AFDN: variants seen among roughly 807,000 people sequenced by gnomAD.
AFDN encodes the protein afadin, adherens junction formation factor.
In AFDN, 68 loss-of-function variants were observed where a neutral mutation model predicts 216.6. The ratio of observed to expected loss-of-function variants is 0.31; its 90% confidence interval spans 0.26 to 0.38. AFDN has a LOEUF of 0.38. Ranked by LOEUF, AFDN falls within the 10% of genes least tolerant of loss-of-function variation. AFDN has a pLI of 1.00. For missense variants in AFDN, 2,136 were observed against 2,342.0 expected (o/e 0.91, Z 1.82); for synonymous variants, 868 against 853.7 (o/e 1.02, Z -0.29).
At chr6:167,904,619 T>G (rs995986058) in intron 12 of AFDN, among the ~76,000 whole-genome samples, 1 of 152,188 alleles carries the variant, frequency 6.6e-6, no homozygotes, top group Non-Finnish European at 1.5e-5. Context: ...TAACAAACTT[T>G]CCCTGATCCT....
intron 1 of AFDN, among the ~76,000 whole-genome samples, chr6:167,833,637 G>A (rs1209694188): frequency 6.6e-6 from 1 of 152,028 alleles, no homozygotes; most frequent in Admixed American, 6.6e-5. Flanking sequence ...TTTTATAGGA[G>A]AACCAACAAA....
chr6:167,965,862 C>T lies in AFDN; in HGVS notation c.5074C>T (p.Arg1692Cys), dbSNP rs755078560. ...LLEPEAPGLC[R>C]PPLPRDYEPP... ...GGAGCCCGAGGCGCCCGGTCTGTGC[C>T]GCCCTCCGCTTCCCCGGGACTACGA... The change falls in exon 32 of 34, where the codon CGC becomes TGC. Residue 1692 changes from arginine to cysteine, a missense_variant. By Grantham distance (180) the Arg-to-Cys change is radical. Around this residue, in one of 8 missense-constraint regions of AFDN, gnomAD observed 981 missense variants for 966.0 expected, o/e 1.02. Coordinates refer to ENST00000683244, the MANE Select transcript of AFDN (RefSeq NM_001386888.1). The T allele has an allele frequency of 5.8e-6, 9 of 1,549,064 alleles. No homozygotes were observed. The highest frequency in any genetic ancestry group is 1.4e-5 in the African/African-American group (1 of 73,050).
chr6:167,842,046 C>G (rs749809064), intron 1 of AFDN, among the ~76,000 whole-genome samples: 2 of 152,034 alleles, frequency 1.3e-5, no homozygotes, highest in Non-Finnish European at 2.9e-5. Context: ...TGTTTTGTCT[C>G]ATCATTCATT....
chr6:167,845,254 A>G (rs925527977), intron 1 of AFDN, among the ~76,000 whole-genome samples: 12 of 152,086 alleles, frequency 7.9e-5, no homozygotes, highest in Admixed American at 7.9e-4. Flanking sequence ...ATTCTCGTCA[A>G]TTTTTATGGA....
At chr6:167,909,067 C>T (rs969951744) in intron 13 of AFDN, among the ~76,000 whole-genome samples, 2 of 152,086 alleles carry the variant, frequency 1.3e-5, no homozygotes, top group South Asian at 4.2e-4. Flanking sequence ...AAAGTTTACT[C>T]AGGTTCACTT....
At chr6:167,902,963 A>C (rs534066950) in intron 12 of AFDN, among the ~76,000 whole-genome samples, 1 of 152,332 alleles carries the variant, frequency 6.6e-6, no homozygotes, top group Admixed American at 6.5e-5. Context: ...AGGTTGAAGC[A>C]GAGCCTTCAT....
At position 167,893,154 on chromosome 6, in the gene AFDN, G is replaced by T. The variant is rs551843510; in HGVS notation, c.1178-708G>T. ...TTCAGGTCTGGTGCCACTATTTTAAGGGTGACCTAAGGGTTGGTGGCAGGC... is the reference window on the plus strand; with the variant it reads ...TTCAGGTCTGGTGCCACTATTTTAATGGTGACCTAAGGGTTGGTGGCAGGC... On this transcript the variant is annotated intron_variant, in intron 8 of 33. Coordinates refer to ENST00000683244, the MANE Select transcript of AFDN (RefSeq NM_001386888.1). Among the ~76,000 whole-genome samples, 21 of 152,288 alleles carry T rather than the reference G, an allele frequency of 1.4e-4. No individual in the cohort carries two copies. In the South Asian group the frequency reaches 4.4e-3, roughly 32 times the overall value.
intron 1 of AFDN, among the ~76,000 whole-genome samples, chr6:167,832,140 C>G (rs1454369098): frequency 2.6e-5 from 4 of 152,178 alleles, no homozygotes; most frequent in Non-Finnish European, 1.5e-5. Flanking sequence ...AGACAGAGAT[C>G]AAATGTATCT....
chr6:167,861,106 C>CT (rs1434978483), intron 1 of AFDN, among the ~76,000 whole-genome samples: 1 of 152,066 alleles, frequency 6.6e-6, no homozygotes, highest in Non-Finnish European at 1.5e-5. Context: ...CACCCCTCCT[C>CT]TCCCCTCCCT....
Position 167,971,085 on chromosome 6 carries a change from C to G in AFDN, c.*1150C>G, listed in dbSNP as rs1797990268. The G allele has an allele frequency of 4.5e-6, 1 of 220,926 alleles. No individual in the cohort carries two copies. The highest frequency in any genetic ancestry group is 6.7e-5 in the East Asian group (1 of 15,002). The allele number at this position is 220,926 out of a possible 1,614,324, so 13.7% of individuals were successfully genotyped here. A position where few individuals can be genotyped will look rare whatever the true frequency, so the allele number is the denominator to read the frequency against. ...TGTGGCTGATGTTGGGGAGACGGACCTCAGTGTGTTTTATATTGTCTGGTG... is the reference window on the plus strand; with the variant it reads ...TGTGGCTGATGTTGGGGAGACGGACGTCAGTGTGTTTTATATTGTCTGGTG... On this transcript the variant is annotated 3_prime_UTR_variant, in exon 34 of 34. Transcript: ENST00000683244.
chr6:167,925,221 G>C (rs1306003692), intron 23 of AFDN, 130 bp downstream of exon 23: 2 of 668,868 alleles, frequency 3.0e-6, no homozygotes, highest in East Asian at 2.7e-5. Flanking sequence ...CTGTTTCTGC[G>C]TAGGAGAGGA....
At chr6:167,898,077 A>T in intron 10 of AFDN, 128 bp from the exon 11 acceptor site, 2 of 984,658 alleles carry the variant, frequency 2.0e-6, no homozygotes, top group South Asian at 3.5e-5. Flanking sequence ...CCACTTTAAA[A>T]GGCACTAAAA....
In AFDN at chr6:167,969,894, C is replaced by T. The variant is rs768400638; in HGVS notation, c.5455C>T (p.Arg1819Cys). ...TGTATCCAATAAAGTGAAAGCTTCT[C>T]GTAAATTAACAGAACTGGAGAATGA... is the stretch of plus-strand genomic sequence containing the variant. ...QDVSNKVKAS[R>C]KLTELENELN... Residue 1819 changes from arginine to cysteine, a missense_variant, in exon 34 of 34, where the codon CGT becomes TGT. By Grantham distance (180) the Arg-to-Cys change is radical (BLOSUM62 -3). Around this residue, in one of 8 missense-constraint regions of AFDN, gnomAD observed 981 missense variants for 966.0 expected, o/e 1.02. Transcript: ENST00000683244. 18 of 1,611,798 alleles carry T rather than the reference C, an allele frequency of 1.1e-5. No homozygotes were observed. Among genetic ancestry groups the T allele is most frequent in the South Asian group, 4.4e-5 (4 of 90,322 alleles).
At chr6:167,916,412 T>C (rs1031323585) in intron 19 of AFDN, among the ~76,000 whole-genome samples, 12 of 152,216 alleles carry the variant, frequency 7.9e-5, no homozygotes, top group African/African-American at 2.9e-4. Flanking sequence ...CAGTGGACTG[T>C]AAATATCCTT....
intron 12 of AFDN, among the ~76,000 whole-genome samples, 172 bp downstream of exon 12, chr6:167,902,558 T>C (rs78994487): frequency 0.01 from 1,553 of 152,340 alleles, 30 homozygotes; most frequent in African/African-American, 0.036. Flanking sequence ...TATGTTGTTT[T>C]CCTGTATATA....
At position 167,898,393 on chromosome 6, in the gene AFDN, C is replaced by T; in HGVS notation, c.1506C>T (p.Pro502=). 6.2e-7 allele frequency: 1 copy of T among 1,614,158 alleles called. No individual in the cohort carries two copies. The highest frequency in any genetic ancestry group is 1.3e-5 in the African/African-American group (1 of 75,032). Residue 502 remains proline (P), a synonymous_variant, in exon 11 of 34, where the codon CCC becomes CCT. Coordinates refer to ENST00000683244, the MANE Select transcript of AFDN (RefSeq NM_001386888.1). ...CCCATGTATTTAAGTTTGTGGACCC[C>T]AGTCAGGATCATGCTCTTGCAAAAA... ...GASHVFKFVD[P]SQDHALAKRS...
intron 5 of AFDN, among the ~76,000 whole-genome samples, chr6:167,877,706 G>A (rs922594391): frequency 3.9e-5 from 6 of 152,170 alleles, no homozygotes. Flanking sequence ...ACAGCCTACT[G>A]CAGCTATCAG....
intron 1 of AFDN, 50 bp downstream of exon 1, chr6:167,827,287 C>T: frequency 5.0e-6 from 4 of 797,136 alleles, no homozygotes; most frequent in Non-Finnish European, 6.1e-6. Context: ...CGCTGCGCCG[C>T]GCCCCGCCCC....
At chr6:167,958,703 T>C (rs1475657877) in intron 30 of AFDN, among the ~76,000 whole-genome samples, 1 of 152,256 alleles carries the variant, frequency 6.6e-6, no homozygotes, top group East Asian at 1.9e-4. Flanking sequence ...TTTCTTGTTT[T>C]TGTTTGCTTG....
Sources: gnomAD v4.1 joint callset for allele counts (sites outside exome capture counted in the v4.1 genomes callset) on GRCh38, gnomAD v4.1.1 for gene constraint, gnomAD v4.1.1 regional missense constraint, MANE v1.5 for transcripts, NCBI Gene and HGNC (gene_info 2026-07-23, HGNC 2026-07-21) for gene names.